JPH2: variants seen among roughly 807,000 people sequenced by gnomAD.
The protein encoded by JPH2 is junctophilin-2.
JPH2 carries 38 observed loss-of-function variants against 55.9 expected under a neutral mutation model. That is an observed-to-expected ratio of 0.68 (90% confidence interval 0.52 to 0.89). The LOEUF (loss-of-function observed/expected upper bound fraction) is 0.89, where lower values mean the gene tolerates loss of function less well. Ranked by LOEUF, JPH2 falls within the 40% of genes least tolerant of loss-of-function variation. The probability of loss-of-function intolerance (pLI) is 0.00; values close to 1 mark genes in which losing one functional copy is unlikely to be tolerated. For synonymous variants in JPH2, 480 were observed against 472.4 expected, an observed-to-expected ratio of 1.02 and a Z score of -0.21; for missense variants, 964 against 1,037.6, an observed-to-expected ratio of 0.93 and a Z score of 0.97.
At chr20:44,151,744 G>T (rs1410110281) in intron 2 of JPH2, among the ~76,000 whole-genome samples, 1 of 152,076 alleles carries the variant, frequency 6.6e-6, no homozygotes, top group East Asian at 1.9e-4. Flanking sequence ...ACTCCACCAG[G>T]CATTCAAAGC....
At chr20:44,174,682 G>C (rs924567419) in intron 1 of JPH2, among the ~76,000 whole-genome samples, 3 of 152,164 alleles carry the variant, frequency 2.0e-5, no homozygotes, top group African/African-American at 4.8e-5. Context: ...GCTGAGGCAG[G>C]AGAATCGCTT....
At chr20:44,157,136 T>C (rs1006068429) in intron 2 of JPH2, among the ~76,000 whole-genome samples, 1 of 152,168 alleles carries the variant, frequency 6.6e-6, no homozygotes, top group African/African-American at 2.4e-5. Flanking sequence ...TGTCCGACAC[T>C]GTAGTGGTGA....
intron 2 of JPH2, among the ~76,000 whole-genome samples, chr20:44,152,542 G>A (rs2072538853): frequency 6.6e-6 from 1 of 152,164 alleles, no homozygotes; most frequent in South Asian, 2.1e-4. Flanking sequence ...GTTAATACAT[G>A]TAAGGTACTT....
In JPH2 at chr20:44,115,839, G is replaced by C. The variant is rs988341308; in HGVS notation, c.1836C>G (p.Pro612=). The C allele has an allele frequency of 2.5e-6, 4 of 1,596,456 alleles. No homozygotes were observed. The highest frequency in any genetic ancestry group is 2.5e-6 in the Non-Finnish European group (3 of 1,176,496). Residue 612 remains proline, a synonymous_variant, in exon 4 of 6, where the codon CCC becomes CCG. Coordinates refer to ENST00000372980, the MANE Select transcript of JPH2 (RefSeq NM_020433.5). ...APLQAPTLRG[P]EPARETPAKL... is the part of the protein sequence containing the mutation. ...TGGCGGGGGTCTCGCGTGCAGGCTCGGGGCCTCGGAGCGTGGGGGCCTGCA... is the reference window on the plus strand; with the variant it reads ...TGGCGGGGGTCTCGCGTGCAGGCTCCGGGCCTCGGAGCGTGGGGGCCTGCA...
chr20:44,164,763 G>A (rs1405648361), intron 1 of JPH2, among the ~76,000 whole-genome samples: 2 of 151,194 alleles, frequency 1.3e-5, no homozygotes, highest in African/African-American at 2.4e-5. Flanking sequence ...GGGGCTGGGT[G>A]TGGAAGGAAT....
intron 2 of JPH2, among the ~76,000 whole-genome samples, chr20:44,143,945 G>C (rs566033117): frequency 6.6e-6 from 1 of 152,204 alleles, no homozygotes; most frequent in East Asian, 1.9e-4. Flanking sequence ...AGACAAAGAG[G>C]GGGTGCTTGA....
chr20:44,176,443 C>T (rs1330722500), intron 1 of JPH2, among the ~76,000 whole-genome samples: 1 of 151,752 alleles, frequency 6.6e-6, no homozygotes, highest in Non-Finnish European at 1.5e-5. Flanking sequence ...TCTGTACATC[C>T]CATCAAGGGT....
At chr20:44,164,286 G>A (rs2072638437) in intron 1 of JPH2, among the ~76,000 whole-genome samples, 1 of 152,314 alleles carries the variant, frequency 6.6e-6, no homozygotes, top group African/African-American at 2.4e-5. Context: ...TTGGATGGAG[G>A]CTGAGGACAG....
chr20:44,122,246 G>A (rs970552729), intron 2 of JPH2, among the ~76,000 whole-genome samples: 10 of 152,280 alleles, frequency 6.6e-5, no homozygotes, highest in South Asian at 6.2e-4. Context: ...GCATGCAGGC[G>A]TGCACATATG....
At chr20:44,156,035 C>CAAAA (rs753733872) in intron 2 of JPH2, among the ~76,000 whole-genome samples, 33,413 of 123,354 alleles carry the variant, frequency 0.27, 4,096 homozygotes, top group Admixed American at 0.36. Context: ...GACCCTGCCT[C>CAAAA]AAAAAAAAAA....
intron 1 of JPH2, chr20:44,177,885 A>T (rs1034751259): frequency 3.1e-6 from 5 of 1,607,428 alleles, no homozygotes; most frequent in Non-Finnish European, 4.3e-6. Context: ...ATATTTTGGC[A>T]TTTCCTATGT....
In JPH2 at chr20:44,114,768, C is replaced by A; in HGVS notation, c.*14+14G>T. 3.2e-6 allele frequency: 5 copies of A among 1,578,288 alleles called. No homozygotes were observed. The highest frequency in any genetic ancestry group is 3.4e-6 in the Non-Finnish European group (4 of 1,160,044). ...TCCTGCCCCCCAACCCCTCCTCCAG[C>A]CAGCTGGCTGCACCTGGTAAGCGAC... is the stretch of plus-strand genomic sequence containing the variant. On this transcript the variant is annotated intron_variant, in intron 5 of 5. Coordinates refer to ENST00000372980, the MANE Select transcript of JPH2 (RefSeq NM_020433.5).
At chr20:44,146,263 G>A (rs963351912) in intron 2 of JPH2, among the ~76,000 whole-genome samples, 8 of 151,962 alleles carry the variant, frequency 5.3e-5, no homozygotes, top group African/African-American at 1.7e-4. Context: ...TCGATCTCCT[G>A]ACCTTGTGAT....
intron 1 of JPH2, chr20:44,177,994 A>G (rs200231402): frequency 1.0e-6 from 1 of 959,186 alleles, no homozygotes; most frequent in Non-Finnish European, 1.7e-6. Context: ...AAGGAAACAG[A>G]AGCTCAGGGA....
intron 1 of JPH2, among the ~76,000 whole-genome samples, chr20:44,173,898 G>T (rs2072715412): frequency 6.6e-6 from 1 of 152,216 alleles, no homozygotes; most frequent in Non-Finnish European, 1.5e-5. Flanking sequence ...GGGCGACTGA[G>T]AGAGACTCCG....
intron 2 of JPH2, among the ~76,000 whole-genome samples, chr20:44,128,662 A>G (rs138946356): frequency 2.2e-4 from 33 of 152,242 alleles, no homozygotes; most frequent in African/African-American, 5.8e-4. Context: ...AAAAATTGCT[A>G]TTAATATTTT....
chr20:44,158,579 A>C (rs936640519), intron 2 of JPH2, among the ~76,000 whole-genome samples: 1 of 152,222 alleles, frequency 6.6e-6, no homozygotes, highest in African/African-American at 2.4e-5. Context: ...TAGGTGCCAT[A>C]AATGTTTGGA....
chr20:44,134,589 T>TATAAATATATATTTATTATAAATATA (rs1237677742), intron 2 of JPH2, among the ~76,000 whole-genome samples: 5 of 10,178 alleles, frequency 4.9e-4, no homozygotes, highest in South Asian at 3.4e-3. Flanking sequence ...TATAAATATA[T>TATAAATATATATTTATTATAAATATA]ATAAATATAT....
intron 1 of JPH2, among the ~76,000 whole-genome samples, chr20:44,181,027 G>C (rs1169567519): frequency 1.3e-5 from 2 of 152,016 alleles, no homozygotes; most frequent in Non-Finnish European, 2.9e-5. Context: ...TATGGCCAGG[G>C]GAGGAATGAG....
Sources: gnomAD v4.1 joint callset for allele counts (sites outside exome capture counted in the v4.1 genomes callset) on GRCh38, gnomAD v4.1.1 for gene constraint, MANE v1.5 for transcripts, NCBI Gene and HGNC (gene_info 2026-07-23, HGNC 2026-07-21) for gene names.